The following SHROOM3 variants were observed in gnomAD, a reference collection of about 807,000 sequenced individuals.
The protein encoded by SHROOM3 is protein Shroom3.
In SHROOM3, 47 loss-of-function variants were observed where a neutral mutation model predicts 138.6. The observed-to-expected ratio is 0.34, with a 90% CI of 0.27 to 0.43. SHROOM3 has a LOEUF of 0.43. Among genes scored for constraint, SHROOM3 ranks in the 20% least tolerant of loss-of-function variants. SHROOM3 has a pLI of 1.00. For synonymous variants in SHROOM3, 1,062 were observed against 1,063.3 expected (o/e 1.00, Z 0.02); for missense variants, 2,491 against 2,596.5 (o/e 0.96, Z 0.88).
chr4:76,666,117 G>A (rs767803111), intron 2 of SHROOM3, among the ~76,000 whole-genome samples: 17 of 152,210 alleles, frequency 1.1e-4, no homozygotes, highest in Non-Finnish European at 2.2e-4. Context: ...AAGTGTTGTT[G>A]ACTTACGGTG....
chr4:76,449,519 A>G (rs1283150435), intron 1 of SHROOM3, among the ~76,000 whole-genome samples: 1 of 152,190 alleles, frequency 6.6e-6, no homozygotes, highest in Admixed American at 6.5e-5. Flanking sequence ...ACCTCTGCCA[A>G]ATTCCACACA....
chr4:76,760,749 T>C (rs1721963109), intron 9 of SHROOM3, among the ~76,000 whole-genome samples: 1 of 152,228 alleles, frequency 6.6e-6, no homozygotes, highest in Admixed American at 6.5e-5. Flanking sequence ...CTTGTCATTG[T>C]ATACCCCTGA....
chr4:76,474,249 G>A (rs1731437155), intron 1 of SHROOM3, among the ~76,000 whole-genome samples: 1 of 152,174 alleles, frequency 6.6e-6, no homozygotes, highest in African/African-American at 2.4e-5. Context: ...CATAAACACA[G>A]AGAGAGTATT....
chr4:76,753,365 C>T (rs1242888727), intron 6 of SHROOM3, among the ~76,000 whole-genome samples: 1 of 152,172 alleles, frequency 6.6e-6, no homozygotes, highest in Non-Finnish European at 1.5e-5. Flanking sequence ...TGTGGCAAGC[C>T]CTGTGTTATT....
intron 2 of SHROOM3, among the ~76,000 whole-genome samples, chr4:76,661,387 G>A (rs1193759910): frequency 2.6e-5 from 4 of 151,998 alleles, no homozygotes; most frequent in East Asian, 1.9e-4. Context: ...CCGCCACCAC[G>A]CCTGGCTAAT....
chr4:76,689,454 C>A (rs1407870516), intron 2 of SHROOM3: 4 of 904,250 alleles, frequency 4.4e-6, no homozygotes, highest in Admixed American at 6.7e-5. Flanking sequence ...GGCGAGCGCC[C>A]CGCACCCTCG....
rs753586707 is a variant in SHROOM3, at chr4:76,739,994, G to A, written c.1821G>A (p.Gln607=). The change falls in exon 5 of 11, where the codon CAG becomes CAA. Residue 607 remains glutamine (Q), a synonymous_variant. Coordinates refer to ENST00000296043, the MANE Select transcript of SHROOM3 (RefSeq NM_020859.4). ...ATCCCCACAGCCTCAAATGCCCTCA[G>A]GCTCAGGCCTGGCAAGCGGGTGAAG... The part of the protein sequence containing the change: ...SSHPHSLKCP[Q]AQAWQAGEDK... 6.2e-7 allele frequency: 1 copy of A among 1,614,050 alleles called. No individual in the cohort carries two copies. The highest frequency in any genetic ancestry group is 8.5e-7 in the Non-Finnish European group (1 of 1,180,048).
At chr4:76,505,968 T>C (rs1732201655) in intron 1 of SHROOM3, among the ~76,000 whole-genome samples, 2 of 152,082 alleles carry the variant, frequency 1.3e-5, no homozygotes, top group African/African-American at 4.8e-5. Flanking sequence ...TGATTTAAAG[T>C]ATATGGAAGG....
intron 2 of SHROOM3, among the ~76,000 whole-genome samples, chr4:76,556,072 C>T (rs957296053): frequency 5.3e-5 from 8 of 152,160 alleles, no homozygotes; most frequent in Admixed American, 2.6e-4. Context: ...ATCCCAGATG[C>T]GGTCAGAGCT....
chr4:76,453,230 T>A (rs1433704351), intron 1 of SHROOM3, among the ~76,000 whole-genome samples: 4 of 152,158 alleles, frequency 2.6e-5, no homozygotes, highest in African/African-American at 9.7e-5. Flanking sequence ...TTTATACACA[T>A]CCTTGCAAAC....
chr4:76,655,361 G>T (rs1736042980), intron 2 of SHROOM3, among the ~76,000 whole-genome samples: 2 of 152,080 alleles, frequency 1.3e-5, no homozygotes, highest in Admixed American at 6.6e-5. Flanking sequence ...CTTGTTAAAT[G>T]ATTCAGTCAT....
intron 1 of SHROOM3, among the ~76,000 whole-genome samples, chr4:76,457,120 G>A (rs530156045): frequency 6.6e-6 from 1 of 152,280 alleles, no homozygotes; most frequent in South Asian, 2.1e-4. Flanking sequence ...GGCTTGGCTT[G>A]GGCTCAGAGG....
intron 2 of SHROOM3, among the ~76,000 whole-genome samples, chr4:76,557,895 A>G (rs1577884143): frequency 6.6e-6 from 1 of 152,308 alleles, no homozygotes; most frequent in East Asian, 1.9e-4. Flanking sequence ...GATTTCAGTA[A>G]AGTAAGCAGT....
chr4:76,588,704 A>G (rs890239478), intron 2 of SHROOM3, among the ~76,000 whole-genome samples: 2 of 152,056 alleles, frequency 1.3e-5, no homozygotes, highest in Non-Finnish European at 2.9e-5. Flanking sequence ...CCTTAGCTCA[A>G]TGTGCTCTGG....
chr4:76,470,867 A>G (rs973999633), intron 1 of SHROOM3, among the ~76,000 whole-genome samples: 4 of 152,214 alleles, frequency 2.6e-5, no homozygotes, highest in East Asian at 1.9e-4. Context: ...TCTGTGTGCC[A>G]TAAATGAGAC....
At chr4:76,748,716 C>T (rs187840846) in intron 5 of SHROOM3, among the ~76,000 whole-genome samples, 10 of 151,864 alleles carry the variant, frequency 6.6e-5, no homozygotes, top group Non-Finnish European at 1.3e-4. Flanking sequence ...TTGTTTTGAA[C>T]TCCAGAGATA....
intron 2 of SHROOM3, among the ~76,000 whole-genome samples, chr4:76,708,660 G>A (rs1560597702): frequency 6.6e-6 from 1 of 152,162 alleles, no homozygotes; most frequent in South Asian, 2.1e-4. Flanking sequence ...GTCACCGATT[G>A]TTCCTATGCG....
At chr4:76,751,014 A>G (rs1235478453) in intron 6 of SHROOM3, among the ~76,000 whole-genome samples, 1 of 152,216 alleles carries the variant, frequency 6.6e-6, no homozygotes, top group East Asian at 1.9e-4. Flanking sequence ...GGGGAAAAGC[A>G]TAGGCATGGA....
chr4:76,599,816 C>T (rs1011194830), intron 2 of SHROOM3, among the ~76,000 whole-genome samples: 2 of 152,094 alleles, frequency 1.3e-5, no homozygotes, highest in Non-Finnish European at 2.9e-5. Context: ...ATGCTGGTCA[C>T]AAGTGGTGGC....
Sources: gnomAD v4.1 joint callset for allele counts (sites outside exome capture counted in the v4.1 genomes callset) on GRCh38, gnomAD v4.1.1 for gene constraint, MANE v1.5 for transcripts, NCBI Gene and HGNC (gene_info 2026-07-23, HGNC 2026-07-21) for gene names.